Variants in ABCA4 observed in about 807,000 individuals in gnomAD.
ABCA4 encodes the protein retinal-specific phospholipid-transporting ATPase ABCA4.
ABCA4 carries 196 observed loss-of-function variants against 263.7 expected under a neutral mutation model. The observed-to-expected ratio is 0.74, with a 90% confidence interval of 0.66 to 0.84. The LOEUF (loss-of-function observed/expected upper bound fraction) is 0.84, where lower values mean the gene tolerates loss of function less well. Among genes scored for constraint, ABCA4 ranks in the 40% least tolerant of loss-of-function variants. ABCA4 has a pLI of 0.00. For missense variants in ABCA4, 2,792 were observed against 2,855.1 expected, an observed-to-expected ratio of 0.98 and a Z score of 0.50; for synonymous variants, 1,133 against 1,094.2, an observed-to-expected ratio of 1.04 and a Z score of -0.70.
At chr1:94,032,452 C>T (rs576631377) in intron 26 of ABCA4, among the ~76,000 whole-genome samples, 2 of 152,290 alleles carry the variant, frequency 1.3e-5, no homozygotes, top group East Asian at 1.9e-4. Flanking sequence ...GCTTGACCTA[C>T]ATAGTGAAAC....
chr1:94,041,978 AGTCC>A (rs1324909257), intron 22 of ABCA4, among the ~76,000 whole-genome samples: 1 of 151,808 alleles, frequency 6.6e-6, no homozygotes, highest in Non-Finnish European at 1.5e-5. Flanking sequence ...GGGCACCTGT[AGTCC>A]CAGCTACTCA....
chr1:94,102,087 C>T (rs946875994), intron 5 of ABCA4, among the ~76,000 whole-genome samples: 1 of 152,214 alleles, frequency 6.6e-6, no homozygotes, highest in Non-Finnish European at 1.5e-5. Flanking sequence ...ATCACCCCAT[C>T]ACCAGACGCG....
At chr1:94,030,569 G>T in intron 28 of ABCA4, 43 bp from the exon 29 acceptor site, 2 of 1,569,452 alleles carry the variant, frequency 1.3e-6, no homozygotes, top group Non-Finnish European at 8.8e-7. Flanking sequence ...GCAGGCGCGT[G>T]CCAACATCAT....
At chr1:94,031,754 C>T (rs996527009) in intron 27 of ABCA4, 24 bp downstream of exon 27, 3 of 1,612,656 alleles carry the variant, frequency 1.9e-6, no homozygotes, top group African/African-American at 2.7e-5. Flanking sequence ...CTGAGCTCAG[C>T]TAAACACCGA....
chr1:94,091,579 TCACACACA>T (rs35529737), intron 6 of ABCA4, among the ~76,000 whole-genome samples: 14,928 of 143,632 alleles, frequency 0.1, 899 homozygotes, highest in Admixed American at 0.18. Flanking sequence ...AAACATCATC[TCACACACA>T]CACACACACA....
rs11370620 is a variant in ABCA4 at position 93,998,905 on chromosome 1, A to ATTTTTT, written c.6480-801_6480-796dup. 1.7e-4 allele frequency among the ~76,000 whole-genome samples: 23 copies of ATTTTTT among 135,796 alleles called. 2 individuals carry two copies. Among genetic ancestry groups the ATTTTTT allele is most frequent in the Admixed American group, 9.6e-4 (13 of 13,572 alleles). 89.1% of individuals were successfully genotyped at this position (135,796 alleles called of 152,430 possible). A position where few individuals can be genotyped will look rare whatever the true frequency, so the allele number is the denominator to read the frequency against. ...AGGCACCTGCCACCACACTCGGCTA[A>ATTTTTT]TTTTTTTTTTTTTTTTTGTATTTTT... On this transcript the variant is annotated intron_variant, in intron 47 of 49. Transcript: ENST00000370225.
rs573444784 is a variant in ABCA4 at position 94,087,365 on chromosome 1, A to G, written c.769-3924T>C. ...GTGACTAGGCTTCGTCACAGTGACA[A>G]AGATTGATGCTTATCTATGCAATAT... On this transcript the variant is annotated intron_variant, in intron 6 of 49. Coordinates refer to ENST00000370225, the MANE Select transcript of ABCA4 (RefSeq NM_000350.3). Among the ~76,000 whole-genome samples, 5 of 152,326 alleles carry G rather than the reference A, an allele frequency of 3.3e-5. No individual in the cohort carries two copies. The East Asian group carries it at 9.6e-4, about 29-fold the overall frequency.
At chr1:94,008,115 A>G (rs1003435093) in intron 42 of ABCA4, 120 bp downstream of exon 42, 10 of 900,536 alleles carry the variant, frequency 1.1e-5, no homozygotes, top group African/African-American at 1.6e-5. Context: ...TTAAAATTAC[A>G]TATGTGACTT....
intron 23 of ABCA4, 84 bp from the exon 24 acceptor site, chr1:94,040,211 C>A: frequency 9.0e-7 from 1 of 1,113,136 alleles, no homozygotes; most frequent in African/African-American, 1.5e-5. Flanking sequence ...TGTCACCGCC[C>A]GCTTTATTTA....
chr1:94,001,510 G>C lies in ABCA4; in HGVS notation c.6282+348C>G, dbSNP rs1309919722. ...ATGGCCTCAGGCCTGGCCTGGCTCA[G>C]CTCAGGAGCCTTTGACCCAGCTCAG... On this transcript the variant is annotated intron_variant, in intron 45 of 49. Coordinates refer to ENST00000370225, the MANE Select transcript of ABCA4 (RefSeq NM_000350.3). 7.2e-6 allele frequency: 4 copies of C among 555,546 alleles called. No individual in the cohort carries two copies. In the African/African-American group the frequency reaches 7.4e-5, roughly 10 times the overall value. 34.4% of individuals were successfully genotyped at this position (555,546 alleles called of 1,614,324 possible). A position where few individuals can be genotyped will look rare whatever the true frequency, so the allele number is the denominator to read the frequency against.
intron 18 of ABCA4, 130 bp from the exon 19 acceptor site, chr1:94,047,223 A>C (rs1227837667): frequency 1.0e-6 from 1 of 970,226 alleles, no homozygotes; most frequent in African/African-American, 1.6e-5. Flanking sequence ...TCACCGTTGC[A>C]AGGAAGACTC....
At chr1:94,069,380 TGAC>T (rs1661350263) in intron 11 of ABCA4, among the ~76,000 whole-genome samples, 1 of 152,236 alleles carries the variant, frequency 6.6e-6, no homozygotes, top group African/African-American at 2.4e-5. Flanking sequence ...AACCCTGTGC[TGAC>T]GTGGCATAAG....
At chr1:94,099,362 C>T (rs572816011) in intron 5 of ABCA4, among the ~76,000 whole-genome samples, 4 of 152,262 alleles carry the variant, frequency 2.6e-5, no homozygotes, top group East Asian at 3.9e-4. Flanking sequence ...TCTAGAACTC[C>T]GCAGTAAGGA....
chr1:94,058,340 G>C (rs993463436), intron 14 of ABCA4, among the ~76,000 whole-genome samples: 10 of 152,174 alleles, frequency 6.6e-5, no homozygotes, highest in Non-Finnish European at 1.5e-5. Flanking sequence ...GCAGTTCTCA[G>C]AAGAATGAAA....
In ABCA4 at chr1:94,014,566, A is replaced by G. The variant is rs1659670219; in HGVS notation, c.5437T>C (p.Leu1813=). ...GINSSAITFI[L]ELFENNRTLL... Reference sequence around the variant, plus strand: ...ACCCGGTTATTCTCAAATAATTCCAAGATGAAGGTAATAGCACTGCTGTTG... The same window carrying G: ...ACCCGGTTATTCTCAAATAATTCCAGGATGAAGGTAATAGCACTGCTGTTG... The change falls in exon 38 of 50, where the codon TTG becomes CTG. Residue 1813 remains leucine, a synonymous_variant. Coordinates refer to ENST00000370225, the MANE Select transcript of ABCA4 (RefSeq NM_000350.3). 13 of 1,614,260 alleles carry G rather than the reference A, an allele frequency of 8.1e-6. No homozygotes were observed. The highest frequency in any genetic ancestry group is 2.2e-5 in the East Asian group (1 of 44,892).
chr1:94,101,390 G>A (rs1002036702), intron 5 of ABCA4, among the ~76,000 whole-genome samples: 1 of 152,170 alleles, frequency 6.6e-6, no homozygotes, highest in Non-Finnish European at 1.5e-5. Context: ...CACCACCCAG[G>A]GCCTGGGCAC....
intron 29 of ABCA4, among the ~76,000 whole-genome samples, chr1:94,029,850 T>C (rs1295627697): frequency 1.3e-5 from 2 of 152,160 alleles, no homozygotes; most frequent in African/African-American, 4.8e-5. Flanking sequence ...AGCTTGTGGA[T>C]CGTTTTGTCT....
chr1:94,063,457 C>T (rs746954881), intron 11 of ABCA4, 140 bp from the exon 12 acceptor site: 9 of 857,554 alleles, frequency 1.0e-5, no homozygotes, highest in Admixed American at 7.9e-5. Context: ...TTAATGTTTG[C>T]TTAACTCCAG....
chr1:94,080,857 C>T, intron 7 of ABCA4, 139 bp from the exon 8 acceptor site: 1 of 1,325,764 alleles, frequency 7.5e-7, no homozygotes, highest in Non-Finnish European at 1.1e-6. Flanking sequence ...CTTAATCCAG[C>T]TGCGAAAAAC....
Sources: gnomAD v4.1 joint callset for allele counts (sites outside exome capture counted in the v4.1 genomes callset) on GRCh38, gnomAD v4.1.1 for gene constraint, MANE v1.5 for transcripts, NCBI Gene and HGNC (gene_info 2026-07-23, HGNC 2026-07-21) for gene names.